Variants in LVRN observed in about 807,000 individuals in gnomAD.
LVRN encodes laeverin.
Under a neutral mutation model 111.4 loss-of-function variants are expected in LVRN, and 99 were observed. The ratio of observed to expected loss-of-function variants is 0.89; its 90% CI spans 0.76 to 1.05. LVRN has a LOEUF of 1.05. Among genes scored for constraint, LVRN ranks in the 50% least tolerant of loss-of-function variants. The pLI is 0.00. For synonymous variants in LVRN, 488 were observed against 449.5 expected (o/e 1.09, Z -1.08); for missense variants, 1,414 against 1,206.8 (o/e 1.17, Z -2.54).
chr5:115,989,491 A>G (rs1747938627), intron 4 of LVRN, among the ~76,000 whole-genome samples: 1 of 152,050 alleles, frequency 6.6e-6, no homozygotes, highest in Admixed American at 6.5e-5. Flanking sequence ...AGTATCCTGC[A>G]TATTCCACCA....
chr5:115,976,605 A>G lies in LVRN; in HGVS notation c.696-6682A>G, dbSNP rs75807317. Among the ~76,000 whole-genome samples, 1,353 of 152,284 alleles carry G rather than the reference A, an allele frequency of 8.9e-3. 16 individuals are homozygous for G. Among genetic ancestry groups the G allele is most frequent in the East Asian group, 0.038 (198 of 5,184 alleles). On this transcript the variant is annotated intron_variant, in intron 1 of 19. Transcript: ENST00000357872. ...TCCCACTAACTATTGCTTTAATGCC[A>G]TGCCACAAATGATGTTATGTTGTTT...
chr5:115,963,226 G>A lies in LVRN; in HGVS notation c.609G>A (p.Glu203=), dbSNP rs1314059508. ...CCCTGAAACCTGGTAGCAGCTACGAGCTGCAGCTTAGCTTCTCGGGCCTGG... is the reference window on the plus strand; with the variant it reads ...CCCTGAAACCTGGTAGCAGCTACGAACTGCAGCTTAGCTTCTCGGGCCTGG... ...SEPLKPGSSY[E]LQLSFSGLVK... is the part of the protein sequence containing the mutation. The change falls in exon 1 of 20, where the codon GAG becomes GAA. Residue 203 remains glutamate, a synonymous_variant. Transcript: ENST00000357872. The A allele has an allele frequency of 6.2e-7, 1 of 1,612,922 alleles. No individual in the cohort carries two copies. The highest frequency in any genetic ancestry group is 1.3e-5 in the African/African-American group (1 of 75,064).
At chr5:115,986,435 A>G (rs191573430) in intron 3 of LVRN, among the ~76,000 whole-genome samples, 96 of 152,330 alleles carry the variant, frequency 6.3e-4, no homozygotes, top group African/African-American at 2.0e-3. Context: ...ATATCGATTT[A>G]TCTGTGAAAG....
chr5:115,984,774 TCTGCATCCAGTGGTTATGG>T (rs765145737), intron 3 of LVRN, 65 bp downstream of exon 3: 478 of 1,589,732 alleles, frequency 3.0e-4, no homozygotes, highest in South Asian at 5.3e-4. Flanking sequence ...ATCTATTCTT[TCTGCATCCAGTGGTTATGG>T]CTGCATATCC....
chr5:115,988,409 C>A (rs951620241), intron 4 of LVRN, among the ~76,000 whole-genome samples: 1 of 151,466 alleles, frequency 6.6e-6, no homozygotes, highest in Admixed American at 6.6e-5. Context: ...GAATTTTCAT[C>A]ATATAAAATT....
chr5:116,023,977 G>T (rs527627575), intron 19 of LVRN, among the ~76,000 whole-genome samples: 2 of 152,324 alleles, frequency 1.3e-5, no homozygotes, highest in Non-Finnish European at 1.5e-5. Context: ...TAAAATTTGT[G>T]TAGCAACATG....
Position 116,008,838 on chromosome 5 carries a change from A to T in LVRN, c.2094-1903A>T, listed in dbSNP as rs534923111. 2.6e-5 allele frequency among the ~76,000 whole-genome samples: 4 copies of T among 152,236 alleles called. No homozygotes were observed. In the South Asian group the frequency reaches 6.2e-4, roughly 24 times the overall value. Reference sequence around the variant, plus strand: ...CAGATTAAGGAAAGAAGCCATCTCCATAACAAAGTACAAGGTGAAACAGCA... The same window carrying T: ...CAGATTAAGGAAAGAAGCCATCTCCTTAACAAAGTACAAGGTGAAACAGCA... On this transcript the variant is annotated intron_variant, in intron 13 of 19. Coordinates refer to ENST00000357872, the MANE Select transcript of LVRN (RefSeq NM_173800.5).
At chr5:115,964,243 C>G (rs1465424580) in intron 1 of LVRN, among the ~76,000 whole-genome samples, 1 of 152,160 alleles carries the variant, frequency 6.6e-6, no homozygotes, top group Admixed American at 6.5e-5. Context: ...TACACAACTG[C>G]ATGTACTTTG....
chr5:116,026,531 C>T lies in LVRN; in HGVS notation c.*413C>T. ...AGGCCCTAGGGTTTATTTAGTTCAA[C>T]ATTGAAGATTGAAAAGACTAATGAG... On this transcript the variant is annotated 3_prime_UTR_variant, in exon 20 of 20. Transcript: ENST00000357872. The T allele has an allele frequency of 4.6e-6, 1 of 219,074 alleles. No individual in the cohort carries two copies. The highest frequency in any genetic ancestry group is 9.0e-6 in the Non-Finnish European group (1 of 111,046). The allele number at this position is 219,074 out of a possible 1,614,324, so 13.6% of individuals were successfully genotyped here.
chr5:116,026,199 C>A lies in LVRN; in HGVS notation c.*81C>A. The A allele has an allele frequency of 1.3e-6, 2 of 1,551,392 alleles. No individual in the cohort carries two copies. Among genetic ancestry groups the A allele is most frequent in the Non-Finnish European group, 8.8e-7 (1 of 1,137,480 alleles). The stretch of plus-strand genomic sequence containing the variant: ...TTTTGTCTTCCAATACTTTGTGAGT[C>A]TGGAAAACCACACATTTTATTTGTA... On this transcript the variant is annotated 3_prime_UTR_variant, in exon 20 of 20. Coordinates refer to ENST00000357872, the MANE Select transcript of LVRN (RefSeq NM_173800.5).
At chr5:115,980,804 A>G (rs1753545670) in intron 1 of LVRN, among the ~76,000 whole-genome samples, 1 of 152,138 alleles carries the variant, frequency 6.6e-6, no homozygotes, top group Non-Finnish European at 1.5e-5. Context: ...CAGTTGTACA[A>G]AATATCCTAT....
At chr5:116,007,984 T>C (rs1748412781) in intron 13 of LVRN, among the ~76,000 whole-genome samples, 1 of 152,196 alleles carries the variant, frequency 6.6e-6, no homozygotes, top group Non-Finnish European at 1.5e-5. Flanking sequence ...ACTGCTGCAC[T>C]GGCCAGCCAT....
chr5:115,972,675 A>G (rs1210213067), intron 1 of LVRN, among the ~76,000 whole-genome samples: 1 of 151,936 alleles, frequency 6.6e-6, no homozygotes, highest in African/African-American at 2.4e-5. Flanking sequence ...TTCTTATTGT[A>G]GGGTGAAAGC....
rs370954686 is a variant in LVRN at position 116,014,912 on chromosome 5, G to T, written c.2451-340G>T. 2.6e-5 allele frequency among the ~76,000 whole-genome samples: 4 copies of T among 152,078 alleles called. No homozygotes were observed. The East Asian group carries it at 5.8e-4, about 22-fold the overall frequency. On this transcript the variant is annotated intron_variant, in intron 16 of 19. Transcript: ENST00000357872. The stretch of plus-strand genomic sequence containing the variant: ...CTCTCTTAGTTTGTTGCCTCACTGA[G>T]CTCTGAAACTCTCATTTTGGTTTTA...
At chr5:116,012,771 C>G (rs1383726241) in intron 15 of LVRN, among the ~76,000 whole-genome samples, 1 of 152,192 alleles carries the variant, frequency 6.6e-6, no homozygotes, top group Non-Finnish European at 1.5e-5. Context: ...TGAAGATGTA[C>G]TAAGCAAAGC....
At chr5:115,966,430 T>G (rs1347498818) in intron 1 of LVRN, among the ~76,000 whole-genome samples, 1 of 152,252 alleles carries the variant, frequency 6.6e-6, no homozygotes. Context: ...TATGAAAGTT[T>G]ATTTAGTCAT....
chr5:116,008,483 G>T (rs566660080), intron 13 of LVRN, among the ~76,000 whole-genome samples: 39 of 152,090 alleles, frequency 2.6e-4, no homozygotes, highest in South Asian at 6.2e-4. Context: ...AGTGAGGAAG[G>T]CATGTTGAAA....
chr5:115,975,287 T>A, intron 1 of LVRN: 1 of 366,954 alleles, frequency 2.7e-6, no homozygotes, highest in South Asian at 2.6e-5. Context: ...GTTACACTTC[T>A]CAGGCTGACA....
intron 3 of LVRN, among the ~76,000 whole-genome samples, chr5:115,985,130 A>C (rs1315955316): frequency 3.2e-4 from 49 of 152,184 alleles, no homozygotes; most frequent in Admixed American, 3.2e-3. Flanking sequence ...ATGGCCAGGC[A>C]TCAACGAGTC....
Sources: allele counts gnomAD v4.1 joint callset (sites outside exome capture counted in the v4.1 genomes callset), GRCh38; gene constraint gnomAD v4.1.1; transcripts MANE v1.5; gene names NCBI Gene and HGNC (gene_info 2026-07-23, HGNC 2026-07-21).